ZNF780B: variants seen among roughly 807,000 people sequenced by gnomAD.
ZNF780B encodes zinc finger protein 780B.
A neutral mutation model predicts 74.1 loss-of-function variants in ZNF780B; 52 were observed. That is an observed-to-expected ratio of 0.70 (90% confidence interval 0.56 to 0.88). ZNF780B has a LOEUF of 0.88. Ranked by LOEUF, ZNF780B falls within the 40% of genes least tolerant of loss-of-function variation. ZNF780B has a pLI of 0.00. For missense variants in ZNF780B, 953 were observed against 1,007.6 expected (o/e 0.95, Z 0.73); for synonymous variants, 315 against 324.3 (o/e 0.97, Z 0.31).
chr19:40,055,973 C>CA (rs1285285105), intron 1 of ZNF780B: 4 of 153,134 alleles, frequency 2.6e-5, no homozygotes, highest in Non-Finnish European at 5.8e-5. Context: ...CACACTCACA[C>CA]AGTCCCCTCC....
chr19:40,050,375 C>A lies in ZNF780B; in HGVS notation c.-43G>T. On this transcript the variant is annotated splice_region_variant and 5_prime_UTR_variant, in exon 2 of 5. Transcript: ENST00000434248. The stretch of plus-strand genomic sequence containing the variant: ...ATTGGTCAATCTTCCTCGGGCTTCT[C>A]CCCTGGAAAACAACAACAACAAAAA... 3.2e-6 allele frequency: 5 copies of A among 1,583,000 alleles called. No homozygotes were observed. Among genetic ancestry groups the A allele is most frequent in the Non-Finnish European group, 4.3e-6 (5 of 1,170,568 alleles).
intron 4 of ZNF780B, among the ~76,000 whole-genome samples, chr19:40,036,876 A>G (rs866976450): frequency 1.1e-4 from 16 of 152,132 alleles, no homozygotes; most frequent in Middle Eastern, 3.4e-3. Flanking sequence ...CAAGCAACTC[A>G]GATGTACAGA....
chr19:40,050,320 T>C lies in ZNF780B; in HGVS notation c.9+4A>G. 1 of 1,596,232 alleles carries C rather than the reference T, an allele frequency of 6.3e-7. No homozygotes were observed. Among genetic ancestry groups the C allele is most frequent in the South Asian group, 1.1e-5 (1 of 90,048 alleles). On this transcript the variant is annotated splice_donor_region_variant and intron_variant, in intron 2 of 4. Transcript: ENST00000434248. ...ATTTCAAGAAGACAGAAACACCAAC[T>C]TACATGGACCATGTTTCTAGAATTA...
chr19:40,050,819 A>G (rs1973190817), intron 1 of ZNF780B, among the ~76,000 whole-genome samples: 1 of 152,244 alleles, frequency 6.6e-6, no homozygotes. Context: ...GATTGGGTGC[A>G]GTGGGGCAAG....
Position 40,035,384 on chromosome 19 carries a change from T to C in ZNF780B, c.1475A>G (p.Lys492Arg). The C allele has an allele frequency of 6.2e-7, 1 of 1,614,204 alleles. No homozygotes were observed. The highest frequency in any genetic ancestry group is 8.5e-7 in the Non-Finnish European group (1 of 1,180,020). Residue 492 changes from lysine to arginine, a missense_variant, in exon 5 of 5, where the codon AAG becomes AGG. Coordinates refer to ENST00000434248, the MANE Select transcript of ZNF780B (RefSeq NM_001005851.3). Reference protein sequence around the residue: ...FSLLTQLARHKNIHTGEKPFE... With the variant: ...FSLLTQLARHRNIHTGEKPFE... ...TGGTTTCTCACCAGTATGAATGTTC[T>C]TATGTCGAGCAAGCTGTGTCAGAAG... is the stretch of plus-strand genomic sequence containing the variant.
chr19:40,045,330 G>A (rs1290837460), intron 4 of ZNF780B, among the ~76,000 whole-genome samples: 1 of 152,114 alleles, frequency 6.6e-6, no homozygotes, highest in African/African-American at 2.4e-5. Flanking sequence ...AAACATACCT[G>A]AGAGGATGAG....
rs1215758143 is a variant in ZNF780B at position 40,035,500 on chromosome 19, G to A, written c.1359C>T (p.Ala453=). 1.2e-6 allele frequency: 2 copies of A among 1,614,008 alleles called. No individual in the cohort carries two copies. Among genetic ancestry groups the A allele is most frequent in the Non-Finnish European group, 1.7e-6 (2 of 1,180,004 alleles). ...KPFVCRECEM[A]FRYHYQLIQH... The stretch of plus-strand genomic sequence containing the variant: ...GAATAAGTTGGTAATGATATCGAAA[G>A]GCCATCTCACATTCCCTACATACAA... The change falls in exon 5 of 5, where the codon GCC becomes GCT. Residue 453 remains alanine (A), a synonymous_variant. Coordinates refer to ENST00000434248, the MANE Select transcript of ZNF780B (RefSeq NM_001005851.3).
At chr19:40,050,281 C>T (rs776525350) in intron 2 of ZNF780B, 43 bp downstream of exon 2, 3 of 1,590,072 alleles carry the variant, frequency 1.9e-6, no homozygotes, top group Non-Finnish European at 2.6e-6. Context: ...CTAACCTAAC[C>T]TGAAAGTCAC....
Position 40,035,268 on chromosome 19 carries a change from A to G in ZNF780B, c.1591T>C (p.Cys531Arg). Residue 531 changes from cysteine to arginine, a missense_variant, in exon 5 of 5, where the codon TGT (cysteine) becomes CGT (arginine). Transcript: ENST00000434248. ...SIHTGEKPYE[C>R]KECGKAFRLH... Reference sequence around the variant, plus strand: ...CTAAAAGCCTTCCCACACTCCTTACATTCATAGGGCTTCTCACCAGTGTGA... The same window carrying G: ...CTAAAAGCCTTCCCACACTCCTTACGTTCATAGGGCTTCTCACCAGTGTGA... The G allele has an allele frequency of 1.2e-6, 2 of 1,614,154 alleles. No individual in the cohort carries two copies. The highest frequency in any genetic ancestry group is 1.7e-6 in the Non-Finnish European group (2 of 1,180,018).
At chr19:40,047,325 G>A in intron 4 of ZNF780B, 50 bp downstream of exon 4, 1 of 1,483,614 alleles carries the variant, frequency 6.7e-7, no homozygotes, top group South Asian at 1.1e-5. Context: ...GAGCACATGG[G>A]CTGTCCGGGA....
At chr19:40,048,897 G>T in intron 2 of ZNF780B, 101 bp from the exon 3 acceptor site, 1 of 1,548,696 alleles carries the variant, frequency 6.5e-7, no homozygotes. Flanking sequence ...GGAGCAATAT[G>T]GAAAATCGCA....
Position 40,034,416 on chromosome 19 carries a change from C to G in ZNF780B, c.2443G>C (p.Gly815Arg). 6.2e-7 allele frequency: 1 copy of G among 1,613,706 alleles called. No individual in the cohort carries two copies. The highest frequency in any genetic ancestry group is 8.5e-7 in the Non-Finnish European group (1 of 1,179,848). The part of the protein sequence containing the change: ...VRNPLNVRNV[G>R]QPSDISSNLL... ...TTGCTACTGATGTCTGAAGGCTGTC[C>G]CACATTTCTTACATTCAAAGGGTTT... The change falls in exon 5 of 5, where the codon GGA (glycine) becomes CGA (arginine). Residue 815 changes from glycine to arginine, a missense_variant. By Grantham distance (125) the Gly-to-Arg change is moderately radical. Coordinates refer to ENST00000434248, the MANE Select transcript of ZNF780B (RefSeq NM_001005851.3).
chr19:40,035,855 CA>C lies in ZNF780B; in HGVS notation c.1003del (p.Cys335ValfsTer11). The C allele has an allele frequency of 1.2e-6, 2 of 1,613,882 alleles. No individual in the cohort carries two copies. The highest frequency in any genetic ancestry group is 1.7e-6 in the Non-Finnish European group (2 of 1,180,010). On this transcript the variant is annotated frameshift_variant, in exon 5 of 5. Transcript: ENST00000434248. LOFTEE classifies it high-confidence loss of function. ...AGTAAAGGCCTTTCTGCATTCTTTA[CA>C]TTCAAAGGGTTTCTCGCCAGTATGA... Reference protein sequence around the residue: ...RIHTGEKPFECKECRKAFTLL... With the variant: ...RIHTGEKPFEXKECRKAFTLL...
Position 40,034,618 on chromosome 19 carries a change from A to G in ZNF780B, c.2241T>C (p.His747=), listed in dbSNP as rs1029709841. 1 of 1,613,554 alleles carries G rather than the reference A, an allele frequency of 6.2e-7. No individual in the cohort carries two copies. The highest frequency in any genetic ancestry group is 8.5e-7 in the Non-Finnish European group (1 of 1,179,856). The change falls in exon 5 of 5, where the codon CAT becomes CAC. Residue 747 remains histidine (H), a synonymous_variant. Coordinates refer to ENST00000434248, the MANE Select transcript of ZNF780B (RefSeq NM_001005851.3). ...TACATTTAAATGGCTTCTCACCAGTATGAATGATCTGATGTTGAGCAAGCT... is the reference window on the plus strand; with the variant it reads ...TACATTTAAATGGCTTCTCACCAGTGTGAATGATCTGATGTTGAGCAAGCT... ...LTQLAQHQII[H]TGEKPFKCKE...
At chr19:40,041,586 GC>G (rs1182796593) in intron 4 of ZNF780B, among the ~76,000 whole-genome samples, 4 of 152,264 alleles carry the variant, frequency 2.6e-5, no homozygotes, top group African/African-American at 9.6e-5. Flanking sequence ...GAATCTGGGT[GC>G]TCCTGTATTG....
chr19:40,030,737 G>A lies in ZNF780B; in HGVS notation c.*3620C>T, dbSNP rs1971974303. On this transcript the variant is annotated 3_prime_UTR_variant, in exon 5 of 5. Transcript: ENST00000434248. ...CATGATGATAGAGTTTCACCGAAAG[G>A]CTGCCAGGGATCTTTCTGACAACTC... 6.6e-6 allele frequency: 1 copy of A among 152,118 alleles called. No homozygotes were observed. The highest frequency in any genetic ancestry group is 1.5e-5 in the Non-Finnish European group (1 of 68,038). The allele number at this position is 152,118 out of a possible 1,614,324, so 9.4% of individuals were successfully genotyped here.
intron 2 of ZNF780B, 200 bp from the exon 3 acceptor site, chr19:40,048,996 G>T (rs1973076751): frequency 1.4e-6 from 1 of 728,108 alleles, no homozygotes; most frequent in South Asian, 2.0e-5. Flanking sequence ...GACCAAGGTG[G>T]AAGGACTGCT....
In ZNF780B at chr19:40,030,740, G is replaced by A. The variant is rs1971974405; in HGVS notation, c.*3617C>T. ...GATGATAGAGTTTCACCGAAAGGCT[G>A]CCAGGGATCTTTCTGACAACTCTTA... On this transcript the variant is annotated 3_prime_UTR_variant, in exon 5 of 5. Transcript: ENST00000434248. 1 of 152,162 alleles carries A rather than the reference G, an allele frequency of 6.6e-6. No individual in the cohort carries two copies. The highest frequency in any genetic ancestry group is 6.6e-5 in the Admixed American group (1 of 15,266). The allele number at this position is 152,162 out of a possible 1,614,324, so 9.4% of individuals were successfully genotyped here.
intron 2 of ZNF780B, among the ~76,000 whole-genome samples, 172 bp downstream of exon 2, chr19:40,050,152 G>A (rs1320271627): frequency 1.5e-5 from 2 of 129,456 alleles, no homozygotes; most frequent in Non-Finnish European, 3.1e-5. Context: ...AGCCAAGATC[G>A]CACCACTGCA....
Sources: allele counts gnomAD v4.1 joint callset (sites outside exome capture counted in the v4.1 genomes callset), GRCh38; gene constraint gnomAD v4.1.1; transcripts MANE v1.5; gene names NCBI Gene and HGNC (gene_info 2026-07-23, HGNC 2026-07-21).